Variants in ZNF638 observed in about 807,000 individuals in gnomAD.
ZNF638 encodes CTCL tumor antigen se33-1.
A neutral mutation model predicts 195.6 loss-of-function variants in ZNF638; 46 were observed. The observed-to-expected ratio is 0.24, with a 90% confidence interval of 0.19 to 0.30. The LOEUF (loss-of-function observed/expected upper bound fraction) is 0.30. Among genes scored for constraint, ZNF638 ranks in the 10% least tolerant of loss-of-function variants. The pLI is 1.00. For synonymous variants in ZNF638, 845 were observed against 772.0 expected (o/e 1.09, Z -1.57); for missense variants, 2,440 against 2,325.3 (o/e 1.05, Z -1.01).
chr2:71,400,492 G>A lies in ZNF638; in HGVS notation c.2671G>A (p.Ala891Thr), dbSNP rs759737558. ...KEAISDAALEATENEPLNKET... is the reference protein window; with the variant it reads ...KEAISDAALETTENEPLNKET... ...TTTGTATTAAGATGCTGCTTTGGAG[G>A]CCACAGAGAATGAACCACTTAACAA... Residue 891 changes from alanine (A) to threonine (T), a missense_variant, in exon 15 of 28, where the codon GCC becomes ACC. Physicochemically the swap from Ala to Thr is moderately conservative, Grantham distance 58 (BLOSUM62 0). Coordinates refer to ENST00000264447, the MANE Select transcript of ZNF638 (RefSeq NM_014497.5). 4.4e-6 allele frequency: 7 copies of A among 1,606,128 alleles called. No homozygotes were observed. The highest frequency in any genetic ancestry group is 1.7e-4 in the Middle Eastern group (1 of 6,038).
chr2:71,364,810 T>G (rs1188405250), intron 5 of ZNF638, among the ~76,000 whole-genome samples: 1 of 152,244 alleles, frequency 6.6e-6, no homozygotes, highest in Non-Finnish European at 1.5e-5. Flanking sequence ...AAGGCATTCC[T>G]TCTTAAAGTA....
At chr2:71,421,692 G>C (rs920194230) in intron 21 of ZNF638, among the ~76,000 whole-genome samples, 16 of 152,174 alleles carry the variant, frequency 1.1e-4, no homozygotes, top group Non-Finnish European at 1.8e-4. Flanking sequence ...AATAGGAGAA[G>C]AAAGTCAGTA....
At chr2:71,424,810 G>A (rs142721163) in intron 23 of ZNF638, 95 bp downstream of exon 23, 7 of 926,566 alleles carry the variant, frequency 7.6e-6, no homozygotes, top group African/African-American at 6.8e-5. Flanking sequence ...CAATGTTAGT[G>A]ACTAAGAGTT....
chr2:71,398,244 G>T (rs1032042703), intron 11 of ZNF638, among the ~76,000 whole-genome samples: 2 of 152,098 alleles, frequency 1.3e-5, no homozygotes, highest in African/African-American at 2.4e-5. Context: ...ATATCTGGGG[G>T]ATGGGAGCCA....
At position 71,355,778 on chromosome 2, in the gene ZNF638, A is replaced by G. The variant is rs377619937; in HGVS notation, c.1377A>G (p.Gln459=). 3 of 1,577,642 alleles carry G rather than the reference A, an allele frequency of 1.9e-6. No homozygotes were observed. Among genetic ancestry groups the G allele is most frequent in the African/African-American group, 1.4e-5 (1 of 73,772 alleles). ...THIESCRQLR[Q]QYPDWNPEIL... ...TTGAGAGCTGTCGACAGTTACGTCA[A>G]CAGTAAGAATATATTTTTCCTTTAT... Residue 459 remains glutamine (Q), a splice_region_variant and synonymous_variant, in exon 3 of 28, where the codon CAA becomes CAG. Coordinates refer to ENST00000264447, the MANE Select transcript of ZNF638 (RefSeq NM_014497.5).
intron 25 of ZNF638, among the ~76,000 whole-genome samples, chr2:71,429,777 TTTCTTC>T (rs2080618942): frequency 6.6e-6 from 1 of 152,224 alleles, no homozygotes; most frequent in South Asian, 2.1e-4. Context: ...TTTAAAGTGT[TTTCTTC>T]TTAAGTTAGT....
intron 1 of ZNF638, among the ~76,000 whole-genome samples, chr2:71,344,008 T>C (rs1446053929): frequency 6.6e-6 from 1 of 152,176 alleles, no homozygotes; most frequent in African/African-American, 2.4e-5. Context: ...CACGCACCTG[T>C]AGTCCCAGCT....
At chr2:71,377,523 C>T (rs541280995) in intron 8 of ZNF638, among the ~76,000 whole-genome samples, 32 of 152,032 alleles carry the variant, frequency 2.1e-4, no homozygotes, top group Non-Finnish European at 4.1e-4. Flanking sequence ...GAGATAAAAG[C>T]GAAAATACGC....
At chr2:71,378,474 C>G (rs1322121631) in intron 8 of ZNF638, among the ~76,000 whole-genome samples, 1 of 152,106 alleles carries the variant, frequency 6.6e-6, no homozygotes, top group Non-Finnish European at 1.5e-5. Context: ...TGATGAAATT[C>G]AGATCAATTA....
At chr2:71,338,395 A>G (rs1292595653) in intron 1 of ZNF638, among the ~76,000 whole-genome samples, 1 of 152,136 alleles carries the variant, frequency 6.6e-6, no homozygotes, top group Non-Finnish European at 1.5e-5. Context: ...CCAGTGTTTG[A>G]TAATTTATTA....
intron 1 of ZNF638, among the ~76,000 whole-genome samples, chr2:71,339,771 C>CA (rs2078733462): frequency 6.6e-6 from 1 of 152,028 alleles, no homozygotes; most frequent in Non-Finnish European, 1.5e-5. Flanking sequence ...TCTAGTTTAA[C>CA]AAAAAATCCT....
intron 10 of ZNF638, among the ~76,000 whole-genome samples, chr2:71,386,503 T>C (rs2079643504): frequency 6.6e-6 from 1 of 152,144 alleles, no homozygotes; most frequent in Admixed American, 6.6e-5. Flanking sequence ...ATAAATATTT[T>C]TTAAAACTAA....
chr2:71,431,374 A>C lies in ZNF638; in HGVS notation c.5698A>C (p.Lys1900Gln). The stretch of plus-strand genomic sequence containing the variant: ...GGATTCAGAACCAGAGCGAAAACGC[A>C]AGAAGACTGAAGACTCTTCTTCAGG... The part of the protein sequence containing the change: ...LKDSEPERKR[K>Q]KTEDSSSGKS... Residue 1900 changes from lysine to glutamine, a missense_variant, in exon 26 of 28, where the codon AAG (lysine) becomes CAG (glutamine). By Grantham distance (53) the Lys-to-Gln change is moderately conservative. Coordinates refer to ENST00000264447, the MANE Select transcript of ZNF638 (RefSeq NM_014497.5). The C allele has an allele frequency of 6.2e-7, 1 of 1,614,104 alleles. No homozygotes were observed. Among genetic ancestry groups the C allele is most frequent in the Non-Finnish European group, 8.5e-7 (1 of 1,179,944 alleles).
chr2:71,385,861 A>T (rs1038870618), intron 10 of ZNF638, among the ~76,000 whole-genome samples: 1 of 152,208 alleles, frequency 6.6e-6, no homozygotes, highest in Non-Finnish European at 1.5e-5. Context: ...AAAACTATAG[A>T]ATTATATGTA....
In ZNF638 at chr2:71,396,186, C is replaced by A. The variant is rs765217286; in HGVS notation, c.2423C>A (p.Ser808Tyr). The A allele has an allele frequency of 6.2e-7, 1 of 1,611,224 alleles. No homozygotes were observed. Among genetic ancestry groups the A allele is most frequent in the Non-Finnish European group, 8.5e-7 (1 of 1,179,224 alleles). The change falls in exon 11 of 28, where the codon TCT (serine) becomes TAT (tyrosine). Residue 808 changes from serine to tyrosine, a missense_variant. Ser to Tyr is a moderately radical substitution (Grantham distance 144, BLOSUM62 -2). Around this residue, in one of 5 missense-constraint regions of ZNF638, gnomAD observed 1,883 missense variants for 1,739.1 expected, o/e 1.08. Coordinates refer to ENST00000264447, the MANE Select transcript of ZNF638 (RefSeq NM_014497.5). ...GCATCTGTAGCCAAAGTAAACAAAT[C>A]TACAGGTATGTTTTTTTAATTAGGA... is the stretch of plus-strand genomic sequence containing the variant. ...AKASVAKVNK[S>Y]TGKSASSVKS...
chr2:71,400,323 T>C, intron 14 of ZNF638, 143 bp downstream of exon 14: 1 of 1,058,910 alleles, frequency 9.4e-7, no homozygotes, highest in Non-Finnish European at 1.3e-6. Flanking sequence ...AATGTATTTT[T>C]TAAAAGCCAA....
intron 3 of ZNF638, among the ~76,000 whole-genome samples, chr2:71,356,848 G>T (rs2079032981): frequency 6.6e-6 from 1 of 151,844 alleles, no homozygotes; most frequent in Non-Finnish European, 1.5e-5. Flanking sequence ...AAGCTTAAAT[G>T]AGGTTGGTGG....
At chr2:71,360,367 A>C (rs1320539270) in intron 3 of ZNF638, among the ~76,000 whole-genome samples, 1 of 152,196 alleles carries the variant, frequency 6.6e-6, no homozygotes, top group East Asian at 1.9e-4. Context: ...ACCACAATAC[A>C]ACACATTTAA....
intron 2 of ZNF638, among the ~76,000 whole-genome samples, chr2:71,353,339 G>C (rs2078973280): frequency 6.6e-6 from 1 of 152,168 alleles, no homozygotes; most frequent in Non-Finnish European, 1.5e-5. Flanking sequence ...GTTTGAGAAA[G>C]TACCGACAAT....
Sources: allele counts gnomAD v4.1 joint callset (sites outside exome capture counted in the v4.1 genomes callset), GRCh38; gene constraint gnomAD v4.1.1; regional missense constraint gnomAD v4.1.1; transcripts MANE v1.5; gene names NCBI Gene and HGNC (gene_info 2026-07-23, HGNC 2026-07-21).